Variants in MALRD1 observed in about 807,000 individuals in gnomAD.
MALRD1 encodes MAM and LDL-receptor class A domain-containing protein 1.
MALRD1 carries 247 observed loss-of-function variants against 242.1 expected under a neutral mutation model. That is an observed-to-expected ratio of 1.02 (90% CI 0.92 to 1.13). The LOEUF (loss-of-function observed/expected upper bound fraction) is 1.13, where lower values mean the gene tolerates loss of function less well. Ranked by LOEUF, MALRD1 falls within the 50% of genes most tolerant of loss-of-function variation. The pLI is 0.00. For synonymous variants in MALRD1, 995 were observed against 866.6 expected, an observed-to-expected ratio of 1.15 and a Z score of -2.60; for missense variants, 2,989 against 2,533.1, an observed-to-expected ratio of 1.18 and a Z score of -3.86.
At chr10:19,125,964 A>T (rs933967778) in intron 7 of MALRD1, among the ~76,000 whole-genome samples, 2 of 152,052 alleles carry the variant, frequency 1.3e-5, no homozygotes, top group Non-Finnish European at 2.9e-5. Context: ...ATCTGTGGTG[A>T]TGAGCTCCCA....
intron 34 of MALRD1, among the ~76,000 whole-genome samples, chr10:19,604,367 A>G (rs770753334): frequency 9.9e-5 from 15 of 152,152 alleles, no homozygotes; most frequent in African/African-American, 2.4e-4. Context: ...AAATGGTGCA[A>G]TGGGTTCATT....
intron 29 of MALRD1, among the ~76,000 whole-genome samples, chr10:19,456,750 C>CGTTTATTTATTT (rs1554775829): frequency 7.1e-6 from 1 of 141,636 alleles, no homozygotes; most frequent in Non-Finnish European, 1.5e-5. Context: ...TTAAAAGTGA[C>CGTTTATTTATTT]ATTTATTTAT....
intron 32 of MALRD1, among the ~76,000 whole-genome samples, chr10:19,547,810 A>C (rs1169472933): frequency 2.8e-4 from 4 of 14,372 alleles, no homozygotes; most frequent in African/African-American, 8.8e-4. Flanking sequence ...ATATATATAT[A>C]TATATATATT....
intron 29 of MALRD1, among the ~76,000 whole-genome samples, chr10:19,451,145 A>G (rs1835300432): frequency 6.6e-6 from 1 of 152,232 alleles, no homozygotes; most frequent in African/African-American, 2.4e-5. Flanking sequence ...TTTGTTTTTC[A>G]ACACAATTTT....
At chr10:19,702,177 A>T (rs1035654073) in intron 38 of MALRD1, among the ~76,000 whole-genome samples, 5 of 152,236 alleles carry the variant, frequency 3.3e-5, no homozygotes, top group East Asian at 1.9e-4. Flanking sequence ...GAACTTAAAG[A>T]TGCAAAAGGA....
At chr10:19,404,252 G>A (rs1846992238) in intron 28 of MALRD1, among the ~76,000 whole-genome samples, 1 of 151,834 alleles carries the variant, frequency 6.6e-6, no homozygotes, top group South Asian at 2.1e-4. Flanking sequence ...ATGCACTTAT[G>A]CTTTTTTTAT....
chr10:19,672,037 T>A (rs1841946138), intron 36 of MALRD1, among the ~76,000 whole-genome samples: 1 of 152,168 alleles, frequency 6.6e-6, no homozygotes, highest in African/African-American at 2.4e-5. Flanking sequence ...CTTATGAGAC[T>A]ATTACAACAT....
At chr10:19,700,301 C>G (rs1014112607) in intron 38 of MALRD1, among the ~76,000 whole-genome samples, 1 of 152,124 alleles carries the variant, frequency 6.6e-6, no homozygotes, top group Non-Finnish European at 1.5e-5. Context: ...CCCCCTTTTC[C>G]TTGCTCGAGG....
At chr10:19,524,723 A>C (rs1175604812) in intron 31 of MALRD1, among the ~76,000 whole-genome samples, 1 of 132,694 alleles carries the variant, frequency 7.5e-6, no homozygotes, top group East Asian at 2.1e-4. Flanking sequence ...TGAACAGGAA[A>C]ATGAGAAAAA....
At chr10:19,133,327 A>G (rs375757514) in intron 8 of MALRD1, among the ~76,000 whole-genome samples, 1 of 152,244 alleles carries the variant, frequency 6.6e-6, no homozygotes, top group Non-Finnish European at 1.5e-5. Flanking sequence ...GACCAAATTA[A>G]GAATATAATT....
intron 18 of MALRD1, among the ~76,000 whole-genome samples, chr10:19,233,565 A>ATT (rs111574608): frequency 4.0e-5 from 6 of 151,664 alleles, no homozygotes; most frequent in Admixed American, 3.3e-4. Context: ...ATTGTAAATG[A>ATT]TTTTTTTTCC....
At chr10:19,318,180 A>G (rs2132017135) in intron 21 of MALRD1, among the ~76,000 whole-genome samples, 1 of 152,140 alleles carries the variant, frequency 6.6e-6, no homozygotes, top group South Asian at 2.1e-4. Context: ...AGACATAGGC[A>G]AGTGTTTATG....
intron 2 of MALRD1, among the ~76,000 whole-genome samples, chr10:19,071,499 T>G (rs1272236264): frequency 1.3e-5 from 2 of 152,108 alleles, no homozygotes; most frequent in Non-Finnish European, 2.9e-5. Context: ...CTGTGATCCC[T>G]TCACTTAAGT....
At chr10:19,652,673 C>G (rs1256264109) in intron 36 of MALRD1, among the ~76,000 whole-genome samples, 5 of 152,120 alleles carry the variant, frequency 3.3e-5, no homozygotes, top group African/African-American at 1.2e-4. Context: ...AACCCCAACA[C>G]CTAAGAACTA....
chr10:19,253,963 A>AG (rs1839400796), intron 18 of MALRD1, among the ~76,000 whole-genome samples: 3 of 151,982 alleles, frequency 2.0e-5, no homozygotes, highest in Admixed American at 2.0e-4. Context: ...TGGTTTTATA[A>AG]GGGGTTTCAC....
At chr10:19,535,154 G>C (rs1478126524) in intron 32 of MALRD1, among the ~76,000 whole-genome samples, 1 of 152,098 alleles carries the variant, frequency 6.6e-6, no homozygotes, top group Non-Finnish European at 1.5e-5. Context: ...AAAGTGCTGG[G>C]ATTACAGGCG....
chr10:19,198,864 A>T (rs949582608), intron 14 of MALRD1, among the ~76,000 whole-genome samples: 11 of 152,214 alleles, frequency 7.2e-5, no homozygotes, highest in Non-Finnish European at 1.5e-4. Flanking sequence ...TTACTATTGT[A>T]TATTTTATTT....
chr10:19,671,983 G>C (rs1269287813), intron 36 of MALRD1, among the ~76,000 whole-genome samples: 1 of 151,494 alleles, frequency 6.6e-6, no homozygotes, highest in Non-Finnish European at 1.5e-5. Flanking sequence ...TAACCAACTA[G>C]AGTGTCCACA....
chr10:19,437,679 C>A (rs1186497583), intron 28 of MALRD1, among the ~76,000 whole-genome samples: 1 of 151,992 alleles, frequency 6.6e-6, no homozygotes, highest in African/African-American at 2.4e-5. Context: ...ATAACATCAA[C>A]AACTAATGTT....
Sources: allele counts gnomAD v4.1 joint callset (sites outside exome capture counted in the v4.1 genomes callset), GRCh38; gene constraint gnomAD v4.1.1; transcripts MANE v1.5; gene names NCBI Gene and HGNC (gene_info 2026-07-23, HGNC 2026-07-21).